TENM1: variants seen among roughly 807,000 people sequenced by gnomAD.
TENM1 encodes the protein teneurin transmembrane protein 1.
Under a neutral mutation model 174.8 loss-of-function variants are expected in TENM1, and 35 were observed. The ratio of observed to expected loss-of-function variants is 0.20; its 90% CI spans 0.15 to 0.27. The LOEUF is 0.27. TENM1 is among the 10% of genes least tolerant of loss of function. TENM1 has a pLI of 1.00. For synonymous variants in TENM1, 781 were observed against 798.7 expected (o/e 0.98, Z 0.37); for missense variants, 1,633 against 2,130.1 (o/e 0.77, Z 4.59).
At chrX:125,201,778 C>A in the TENM1 span, among the ~76,000 whole-genome samples, 1 of 111,430 alleles carries the variant, frequency 9.0e-6, no homozygotes, top group East Asian at 2.8e-4. Context: ...TTTGTCATAC[C>A]TGAAAGCTTT....
At chrX:124,780,327 G>C (rs2054879890) in intron 3 of TENM1, among the ~76,000 whole-genome samples, 1 of 112,235 alleles carries the variant, frequency 8.9e-6, no homozygotes, top group Non-Finnish European at 1.9e-5. Flanking sequence ...TAGCTTTTAA[G>C]AAATATAGTT....
chrX:125,146,040 A>G, the TENM1 span, among the ~76,000 whole-genome samples: 2 of 112,070 alleles, frequency 1.8e-5, no homozygotes, highest in African/African-American at 6.5e-5. Context: ...CACCAATGTG[A>G]TAAGACTTTA....
chrX:125,193,818 C>G, the TENM1 span, among the ~76,000 whole-genome samples: 7 of 111,272 alleles, frequency 6.3e-5, no homozygotes, highest in Non-Finnish European at 1.3e-4. Flanking sequence ...CTTGCTCTGT[C>G]ATTTAGACTG....
intron 25 of TENM1, among the ~76,000 whole-genome samples, chrX:124,418,141 C>T: frequency 8.9e-6 from 1 of 112,520 alleles, no homozygotes; most frequent in Non-Finnish European, 1.9e-5. Flanking sequence ...AGTGGCTCCA[C>T]TTCTTAGAGT....
the TENM1 span, among the ~76,000 whole-genome samples, chrX:125,133,118 C>T: frequency 1.8e-5 from 2 of 111,155 alleles, no homozygotes; most frequent in African/African-American, 6.6e-5. Flanking sequence ...CTCAGCCTCC[C>T]GAGTAGCTGG....
intron 18 of TENM1, among the ~76,000 whole-genome samples, chrX:124,508,772 G>A (rs764692322): frequency 8.9e-5 from 10 of 111,836 alleles, no homozygotes; most frequent in African/African-American, 2.3e-4. Context: ...ATCAAAGGCA[G>A]AGTGATATAC....
the TENM1 span, among the ~76,000 whole-genome samples, chrX:125,046,407 T>C: frequency 8.9e-6 from 1 of 112,182 alleles, no homozygotes; most frequent in African/African-American, 3.2e-5. Context: ...AAGTCCTAGA[T>C]ACCTACTATG....
At chrX:125,170,613 C>T in the TENM1 span, among the ~76,000 whole-genome samples, 1 of 111,088 alleles carries the variant, frequency 9.0e-6, no homozygotes, top group Non-Finnish European at 1.9e-5. Context: ...GAAGATTTCA[C>T]GACAGGAAGA....
the TENM1 span, among the ~76,000 whole-genome samples, chrX:125,155,733 A>G: frequency 8.9e-6 from 1 of 112,682 alleles, no homozygotes; most frequent in Non-Finnish European, 1.9e-5. Context: ...TAAGCCCTTC[A>G]TTGCCCGGCC....
chrX:124,747,388 G>GTGTTAACACATGTT (rs1464295347), intron 3 of TENM1, among the ~76,000 whole-genome samples: 1 of 97,501 alleles, frequency 1.0e-5, no homozygotes, highest in African/African-American at 4.6e-5. Context: ...ACATGTTAAT[G>GTGTTAACACATGTT]AAGCTGTGAA....
chrX:124,829,763 C>G (rs904290271), intron 3 of TENM1, among the ~76,000 whole-genome samples: 1 of 112,235 alleles, frequency 8.9e-6, no homozygotes, highest in Non-Finnish European at 1.9e-5. Context: ...TGTAAGTGTT[C>G]TCACTCTAAA....
the TENM1 span, among the ~76,000 whole-genome samples, chrX:125,022,649 T>C: frequency 9.0e-6 from 1 of 111,336 alleles, no homozygotes; most frequent in African/African-American, 3.3e-5. Flanking sequence ...GACTACAAGA[T>C]TTCTTTGAAA....
intron 5 of TENM1, chrX:124,688,683 C>T (rs764834803): frequency 8.8e-6 from 1 of 113,951 alleles, no homozygotes; most frequent in East Asian, 2.6e-4. Context: ...ATTGAGGGCT[C>T]ACTTCAGAAA....
the TENM1 span, among the ~76,000 whole-genome samples, chrX:125,126,132 C>T: frequency 2.7e-5 from 3 of 112,154 alleles, no homozygotes; most frequent in African/African-American, 9.7e-5. Context: ...GATTATCACA[C>T]TTATCTTACC....
intron 25 of TENM1, among the ~76,000 whole-genome samples, chrX:124,410,856 C>T (rs372692512): frequency 2.7e-5 from 3 of 112,261 alleles, no homozygotes; most frequent in East Asian, 5.6e-4. Flanking sequence ...GAAAGCTGAA[C>T]TTAGATGCTG....
At chrX:124,953,226 C>G (rs1479969100) in intron 1 of TENM1, among the ~76,000 whole-genome samples, 1 of 111,799 alleles carries the variant, frequency 8.9e-6, no homozygotes. Context: ...TTTCAAAATG[C>G]CATTTCTGAA....
upstream of TENM1, among the ~76,000 whole-genome samples, chrX:124,966,151 C>T (rs1386053525): frequency 3.6e-5 from 4 of 111,662 alleles, no homozygotes; most frequent in South Asian, 3.7e-4. Context: ...CAGTTCAAGC[C>T]ATCATATCCC....
intron 11 of TENM1, among the ~76,000 whole-genome samples, chrX:124,638,272 G>C (rs894804478): frequency 9.0e-6 from 1 of 111,141 alleles, no homozygotes; most frequent in African/African-American, 3.3e-5. Flanking sequence ...GCATGTCTTT[G>C]TGTGTTAGGG....
At chrX:124,913,828 A>G (rs895796390) in intron 1 of TENM1, among the ~76,000 whole-genome samples, 14 of 111,995 alleles carry the variant, frequency 1.3e-4, no homozygotes, top group Non-Finnish European at 1.9e-5. Context: ...ATATGTAATT[A>G]TGGTATTTTT....
Sources: allele counts gnomAD v4.1 joint callset (sites outside exome capture counted in the v4.1 genomes callset), GRCh38; gene constraint gnomAD v4.1.1; transcripts MANE v1.5; gene names NCBI Gene and HGNC (gene_info 2026-07-23, HGNC 2026-07-21).